Variants in ANXA13 observed in about 807,000 individuals in gnomAD.
ANXA13 encodes annexin XIII.
In ANXA13, 36 loss-of-function variants were observed where a neutral mutation model predicts 46.6. The observed-to-expected ratio is 0.77, with a 90% confidence interval of 0.59 to 1.02. The LOEUF is 1.02. Ranked by LOEUF, ANXA13 falls within the 50% of genes least tolerant of loss-of-function variation. The probability of loss-of-function intolerance (pLI) is 0.00; values close to 1 mark genes in which losing one functional copy is unlikely to be tolerated. For synonymous variants in ANXA13, 163 were observed against 152.9 expected, an observed-to-expected ratio of 1.07 and a Z score of -0.49; for missense variants, 417 against 396.5, an observed-to-expected ratio of 1.05 and a Z score of -0.44.
Position 123,684,662 on chromosome 8 carries a change from C to T in ANXA13, c.779G>A (p.Gly260Asp), listed in dbSNP as rs1482032976. The stretch of plus-strand genomic sequence containing the variant: ...CAACGTCTCCTCATCGGTCCCCGCA[C>T]CCTTCATCGACTTGTACAGACGTTC... ...FAERLYKSMK[G>D]AGTDEETLIR... is the part of the protein sequence containing the mutation. The change falls in exon 10 of 11, where the codon GGT becomes GAT. Residue 260 changes from glycine (G) to aspartate (D), a missense_variant. Physicochemically the swap from Gly to Asp is moderately conservative, Grantham distance 94. Coordinates refer to ENST00000419625, the MANE Select transcript of ANXA13 (RefSeq NM_004306.4). 1.2e-6 allele frequency: 2 copies of T among 1,614,178 alleles called. No homozygotes were observed. The highest frequency in any genetic ancestry group is 2.2e-5 in the East Asian group (1 of 44,886).
chr8:123,691,030 G>T (rs546002461), intron 8 of ANXA13, among the ~76,000 whole-genome samples: 2 of 152,188 alleles, frequency 1.3e-5, no homozygotes, highest in Admixed American at 1.3e-4. Flanking sequence ...ATTTGGTAAC[G>T]CTGGGGACTG....
At chr8:123,688,815 G>T in intron 9 of ANXA13, 56 bp downstream of exon 9, 1 of 1,495,486 alleles carries the variant, frequency 6.7e-7, no homozygotes, top group South Asian at 1.1e-5. Flanking sequence ...ACCTCTGTCT[G>T]AGTCTGGTTC....
chr8:123,682,689 C>G (rs914181747), intron 10 of ANXA13, among the ~76,000 whole-genome samples: 2 of 152,008 alleles, frequency 1.3e-5, no homozygotes, highest in Admixed American at 6.5e-5. Flanking sequence ...CGCTGCTTGG[C>G]TCCTTGCCCC....
At chr8:123,709,771 T>C (rs1398021954) in intron 2 of ANXA13, among the ~76,000 whole-genome samples, 1 of 152,190 alleles carries the variant, frequency 6.6e-6, no homozygotes, top group African/African-American at 2.4e-5. Context: ...TGTGTGTATA[T>C]ATTTGAGATG....
At chr8:123,721,445 G>T (rs1314958616) in intron 1 of ANXA13, among the ~76,000 whole-genome samples, 2 of 152,128 alleles carry the variant, frequency 1.3e-5, no homozygotes, top group Non-Finnish European at 1.5e-5. Flanking sequence ...CACCTCGTAT[G>T]GGTTGTTAGG....
At chr8:123,724,174 G>T (rs1321780371) in intron 1 of ANXA13, among the ~76,000 whole-genome samples, 4 of 152,176 alleles carry the variant, frequency 2.6e-5, no homozygotes, top group Non-Finnish European at 5.9e-5. Context: ...GACCTCAGTT[G>T]GAGAAATAAC....
chr8:123,735,724 C>T (rs1022420573), intron 1 of ANXA13: 1 of 1,597,680 alleles, frequency 6.3e-7, no homozygotes, highest in African/African-American at 1.3e-5. Flanking sequence ...GGGGTCATAC[C>T]TATGATTTGG....
rs899127440 is a variant in ANXA13, at chr8:123,681,074, T to C, written c.*166A>G. 1.0e-5 allele frequency: 9 copies of C among 886,182 alleles called. No individual in the cohort carries two copies. Among genetic ancestry groups the C allele is most frequent in the Non-Finnish European group, 8.2e-6 (5 of 609,288 alleles). The allele number at this position is 886,182 out of a possible 1,614,324, so 54.9% of individuals were successfully genotyped here. A position where few individuals can be genotyped will look rare whatever the true frequency, so the allele number is the denominator to read the frequency against. On this transcript the variant is annotated 3_prime_UTR_variant, in exon 11 of 11. Transcript: ENST00000419625. ...CCCTGCCCACGCATCTTAACGTTACTGCCCTTAACTTACACAGCTTGGCCT... is the reference window on the plus strand; with the variant it reads ...CCCTGCCCACGCATCTTAACGTTACCGCCCTTAACTTACACAGCTTGGCCT...
At chr8:123,689,788 T>C (rs556060161) in intron 8 of ANXA13, among the ~76,000 whole-genome samples, 215 of 152,310 alleles carry the variant, frequency 1.4e-3, no homozygotes, top group African/African-American at 5.0e-3. Context: ...CAATTAAGCA[T>C]TAGAAACACT....
At chr8:123,726,813 T>C (rs1814007854) in intron 1 of ANXA13, among the ~76,000 whole-genome samples, 1 of 152,180 alleles carries the variant, frequency 6.6e-6, no homozygotes, top group Non-Finnish European at 1.5e-5. Flanking sequence ...CAAATGCCCA[T>C]CAATCAATGA....
chr8:123,685,815 A>G (rs1813131534), intron 9 of ANXA13, among the ~76,000 whole-genome samples: 1 of 152,182 alleles, frequency 6.6e-6, no homozygotes, highest in Admixed American at 6.5e-5. Context: ...CCTGAGAACA[A>G]CCCAAAAGCT....
intron 1 of ANXA13, 76 bp from the exon 2 acceptor site, chr8:123,712,829 A>G: frequency 7.7e-7 from 1 of 1,294,702 alleles, no homozygotes; most frequent in Non-Finnish European, 1.1e-6. Flanking sequence ...TCGGTAGCAA[A>G]CTGGAGGACC....
At chr8:123,684,770 G>A (rs1452752644) in intron 9 of ANXA13, 48 bp from the exon 10 acceptor site, 2 of 1,435,636 alleles carry the variant, frequency 1.4e-6, no homozygotes, top group African/African-American at 2.8e-5. Context: ...ACGTTTTGTG[G>A]AATGACCTTG....
chr8:123,702,986 G>A (rs988303914), intron 2 of ANXA13, among the ~76,000 whole-genome samples: 2 of 152,298 alleles, frequency 1.3e-5, no homozygotes, highest in South Asian at 2.1e-4. Flanking sequence ...AAAGAGGAAC[G>A]AGTATGGCTG....
At chr8:123,734,106 C>G (rs1300382543) in intron 1 of ANXA13, among the ~76,000 whole-genome samples, 1 of 152,156 alleles carries the variant, frequency 6.6e-6, no homozygotes, top group Non-Finnish European at 1.5e-5. Flanking sequence ...TGTTCATTAG[C>G]CTTGCAAGTA....
chr8:123,734,020 G>T (rs1191988476), intron 1 of ANXA13, among the ~76,000 whole-genome samples: 1 of 152,202 alleles, frequency 6.6e-6, no homozygotes, highest in Non-Finnish European at 1.5e-5. Context: ...CCTAACAAGT[G>T]CCCACGCAAT....
intron 2 of ANXA13, among the ~76,000 whole-genome samples, chr8:123,706,286 G>A (rs1446805215): frequency 1.3e-5 from 2 of 152,182 alleles, no homozygotes; most frequent in African/African-American, 4.8e-5. Context: ...ACTTCAAAAG[G>A]GATTTCTTTT....
chr8:123,732,746 C>A (rs1413642754), intron 1 of ANXA13, among the ~76,000 whole-genome samples: 1 of 151,808 alleles, frequency 6.6e-6, no homozygotes, highest in East Asian at 1.9e-4. Context: ...TAAAATGTAG[C>A]TACCCTTCAG....
intron 1 of ANXA13, chr8:123,735,985 A>AG: frequency 8.0e-7 from 1 of 1,243,188 alleles, no homozygotes; most frequent in East Asian, 2.6e-5. Flanking sequence ...CTGTGAATGC[A>AG]GGGTCCATTG....
Sources: allele counts gnomAD v4.1 joint callset (sites outside exome capture counted in the v4.1 genomes callset), GRCh38; gene constraint gnomAD v4.1.1; transcripts MANE v1.5; gene names NCBI Gene and HGNC (gene_info 2026-07-23, HGNC 2026-07-21).